Variants in TRIO observed in about 807,000 individuals in gnomAD.
TRIO encodes the protein triple functional domain protein.
Under a neutral mutation model 351.9 loss-of-function variants are expected in TRIO, and 58 were observed. That is an observed-to-expected ratio of 0.16 (90% CI 0.13 to 0.21). TRIO has a LOEUF of 0.21. TRIO is among the 10% of genes least tolerant of loss of function. The pLI, the probability that TRIO is intolerant of heterozygous loss-of-function variation, is 1.00. For missense variants in TRIO, 3,201 were observed against 4,027.8 expected, an observed-to-expected ratio of 0.79 and a Z score of 5.56; for synonymous variants, 1,758 against 1,595.7, an observed-to-expected ratio of 1.10 and a Z score of -2.42.
chr5:14,344,226 G>C (rs890627706), intron 11 of TRIO, among the ~76,000 whole-genome samples: 9 of 151,010 alleles, frequency 6.0e-5, no homozygotes, highest in African/African-American at 2.0e-4. Context: ...CTGAGCATTA[G>C]ATTTGACCTT....
At chr5:14,370,456 A>G (rs1745006701) in intron 18 of TRIO, among the ~76,000 whole-genome samples, 1 of 152,088 alleles carries the variant, frequency 6.6e-6, no homozygotes, top group African/African-American at 2.4e-5. Context: ...AGACCCATTA[A>G]AAGTAGGGGT....
intron 1 of TRIO, among the ~76,000 whole-genome samples, chr5:14,250,311 G>A (rs1794665701): frequency 1.3e-5 from 2 of 152,174 alleles, no homozygotes; most frequent in Non-Finnish European, 2.9e-5. Context: ...CAGAGCGACT[G>A]TGCGTTTGTA....
At position 14,291,116 on chromosome 5, in the gene TRIO, T is replaced by C; in HGVS notation, c.941T>C (p.Met314Thr). ...AACCTCTTGCCCAAGGTGTCCACCA[T>C]GCTGGACCGGCTGCACTCGACACGG... is the stretch of plus-strand genomic sequence containing the variant. ...LQNLLPKVST[M>T]LDRLHSTRQH... Residue 314 changes from methionine to threonine, a missense_variant, in exon 5 of 57, where the codon ATG (methionine) becomes ACG (threonine). By Grantham distance (81) the Met-to-Thr change is moderately conservative. Transcript: ENST00000344204. 6.2e-7 allele frequency: 1 copy of C among 1,614,160 alleles called. No homozygotes were observed. Among genetic ancestry groups the C allele is most frequent in the South Asian group, 1.1e-5 (1 of 91,082 alleles).
At chr5:14,252,650 T>C (rs1427562053) in intron 1 of TRIO, among the ~76,000 whole-genome samples, 2 of 152,220 alleles carry the variant, frequency 1.3e-5, no homozygotes, top group African/African-American at 2.4e-5. Context: ...AAACTGACCT[T>C]TCTAGATCCG....
intron 2 of TRIO, among the ~76,000 whole-genome samples, chr5:14,272,595 A>G (rs371074022): frequency 1.4e-5 from 2 of 145,266 alleles, no homozygotes; most frequent in South Asian, 2.2e-4. Flanking sequence ...AGGGTTACAT[A>G]AAGTTGGATA....
chr5:14,243,765 T>TTTTTCA (rs1274563876), intron 1 of TRIO, among the ~76,000 whole-genome samples: 1 of 152,258 alleles, frequency 6.6e-6, no homozygotes, highest in Non-Finnish European at 1.5e-5. Flanking sequence ...ATTGTGTACA[T>TTTTTCA]TTTTCATGAG....
intron 10 of TRIO, among the ~76,000 whole-genome samples, chr5:14,333,265 C>T (rs573251310): frequency 1.3e-5 from 2 of 152,340 alleles, no homozygotes; most frequent in East Asian, 3.9e-4. Context: ...GAGAAATCCA[C>T]AGCACTTCTT....
At chr5:14,256,180 A>G (rs770854526) in intron 1 of TRIO, among the ~76,000 whole-genome samples, 5 of 152,174 alleles carry the variant, frequency 3.3e-5, no homozygotes, top group Admixed American at 6.5e-5. Flanking sequence ...TGAAGGGGGA[A>G]CTAGTGTCTC....
chr5:14,234,814 T>A (rs1793670576), intron 1 of TRIO, among the ~76,000 whole-genome samples: 1 of 152,194 alleles, frequency 6.6e-6, no homozygotes, highest in Non-Finnish European at 1.5e-5. Flanking sequence ...AGTACTTTAT[T>A]TGCAAAAAGT....
chr5:14,276,465 C>T (rs1171294013), intron 2 of TRIO, among the ~76,000 whole-genome samples: 4 of 152,230 alleles, frequency 2.6e-5, no homozygotes, highest in Non-Finnish European at 4.4e-5. Flanking sequence ...GCCCCGTGGG[C>T]GTCCTTTTAA....
chr5:14,310,383 G>T (rs1212002444), intron 8 of TRIO, among the ~76,000 whole-genome samples: 2 of 152,230 alleles, frequency 1.3e-5, no homozygotes, highest in Admixed American at 6.5e-5. Flanking sequence ...AGTGCCATGG[G>T]GCGTTGGCCT....
intron 8 of TRIO, among the ~76,000 whole-genome samples, chr5:14,310,325 CA>C (rs1289370633): frequency 6.6e-6 from 1 of 152,262 alleles, no homozygotes; most frequent in Non-Finnish European, 1.5e-5. Context: ...AGCAGCCACA[CA>C]TCCACCAAAG....
intron 9 of TRIO, among the ~76,000 whole-genome samples, chr5:14,329,260 T>C (rs1249558492): frequency 1.3e-5 from 2 of 152,250 alleles, no homozygotes; most frequent in Non-Finnish European, 2.9e-5. Context: ...ATTTGTTCTT[T>C]AGTCCAAGGT....
intron 1 of TRIO, among the ~76,000 whole-genome samples, 167 bp downstream of exon 1, chr5:14,144,049 C>A (rs1236271631): frequency 1.3e-5 from 2 of 151,900 alleles, no homozygotes; most frequent in Non-Finnish European, 2.9e-5. Context: ...CCGGGGCTGC[C>A]CGCCCCACAT....
At chr5:14,458,043 T>TC (rs968620515) in intron 34 of TRIO, among the ~76,000 whole-genome samples, 3 of 143,848 alleles carry the variant, frequency 2.1e-5, no homozygotes, top group Admixed American at 1.4e-4. Flanking sequence ...GCCTGGGTCT[T>TC]TTTTTTTTTT....
chr5:14,341,357 C>T (rs1028470781), intron 11 of TRIO, among the ~76,000 whole-genome samples: 1 of 152,176 alleles, frequency 6.6e-6, no homozygotes, highest in African/African-American at 2.4e-5. Flanking sequence ...AAATGAATGA[C>T]CAAAAGAACA....
Position 14,336,339 on chromosome 5 carries a change from C to T in TRIO, c.1855-197C>T, listed in dbSNP as rs113219202. ...TTTTGATATGGGGTTCAAAGTTTAA[C>T]AATCTAAAACAACAGCGGGAAAGGA... On this transcript the variant is annotated intron_variant, in intron 10 of 56. Coordinates refer to ENST00000344204, the MANE Select transcript of TRIO (RefSeq NM_007118.4). 9.9e-3 allele frequency among the ~76,000 whole-genome samples: 1,510 copies of T among 152,284 alleles called. 26 individuals carry two copies. The highest frequency in any genetic ancestry group is 0.035 in the African/African-American group (1,435 of 41,562).
In TRIO at chr5:14,497,959, G is replaced by T. The variant is rs554399746; in HGVS notation, c.8047+85G>T. ...TCAGAGCACTTGAGTGTGGCCTCTG[G>T]AAATGAGTTTTCCGTGGCGCTCTAG... On this transcript the variant is annotated intron_variant, in intron 51 of 56. Coordinates refer to ENST00000344204, the MANE Select transcript of TRIO (RefSeq NM_007118.4). The surrounding 1 kb of genome is among the most constrained non-coding windows in gnomAD (Gnocchi z 4.4). The T allele has an allele frequency of 9.9e-6, 16 of 1,610,740 alleles. No homozygotes were observed. In the South Asian group the frequency reaches 1.6e-4, roughly 17 times the overall value.
intron 31 of TRIO, 48 bp from the exon 32 acceptor site, chr5:14,405,800 C>A: frequency 6.4e-7 from 1 of 1,569,616 alleles, no homozygotes; most frequent in Non-Finnish European, 8.7e-7. Context: ...AGGGCAAGGT[C>A]TGGAAAGGGC....
Sources: allele counts gnomAD v4.1 joint callset (sites outside exome capture counted in the v4.1 genomes callset), GRCh38; gene constraint gnomAD v4.1.1; non-coding constraint Gnocchi (gnomAD v3.1); transcripts MANE v1.5; gene names NCBI Gene and HGNC (gene_info 2026-07-23, HGNC 2026-07-21).